Variants in ABCB1 observed in about 807,000 individuals in gnomAD.
ABCB1 encodes ATP binding cassette subfamily B member 1.
ABCB1 carries 69 observed loss-of-function variants against 142.0 expected under a neutral mutation model. The observed-to-expected ratio is 0.49, with a 90% CI of 0.40 to 0.59. The LOEUF (loss-of-function observed/expected upper bound fraction) is 0.59, where lower values mean the gene tolerates loss of function less well. Ranked by LOEUF, ABCB1 falls within the 20% of genes least tolerant of loss-of-function variation. The pLI is 0.00. For missense variants in ABCB1, 1,326 were observed against 1,554.7 expected (o/e 0.85, Z 2.47); for synonymous variants, 532 against 539.2 (o/e 0.99, Z 0.18).
At chr7:87,513,164 G>A (rs367757233) in intron 25 of ABCB1, among the ~76,000 whole-genome samples, 2 of 152,108 alleles carry the variant, frequency 1.3e-5, no homozygotes, top group South Asian at 2.1e-4. Flanking sequence ...CTGTGATATC[G>A]GCATAATTTT....
chr7:87,542,658 C>CA (rs1816591801), intron 17 of ABCB1, among the ~76,000 whole-genome samples: 1 of 146,464 alleles, frequency 6.8e-6, no homozygotes, highest in Non-Finnish European at 1.5e-5. Context: ...TAACCATTTC[C>CA]TTTTTTTTTT....
intron 1 of ABCB1, chr7:87,710,550 T>C (rs1829986103): frequency 7.0e-7 from 1 of 1,430,010 alleles, no homozygotes; most frequent in Non-Finnish European, 9.6e-7. Context: ...TTATATTTGA[T>C]TCTTTCTTCT....
intron 21 of ABCB1, among the ~76,000 whole-genome samples, chr7:87,527,801 T>C (rs752900406): frequency 6.6e-6 from 1 of 152,202 alleles, no homozygotes; most frequent in Non-Finnish European, 1.5e-5. Flanking sequence ...AGGAAGTGGC[T>C]ACAAAATTAC....
chr7:87,589,893 T>C (rs1818927520), intron 3 of ABCB1, among the ~76,000 whole-genome samples: 1 of 142,340 alleles, frequency 7.0e-6, no homozygotes, highest in South Asian at 2.2e-4. Context: ...TTTGATTAGA[T>C]GCTGAAAGGA....
At chr7:87,521,462 T>C in intron 21 of ABCB1, 5 of 718,340 alleles carry the variant, frequency 7.0e-6, no homozygotes, top group South Asian at 6.1e-5. Flanking sequence ...CCTGCCGTCA[T>C]GTCTAAGTCA....
At chr7:87,641,015 C>T (rs1441640410) in intron 1 of ABCB1, among the ~76,000 whole-genome samples, 1 of 152,022 alleles carries the variant, frequency 6.6e-6, no homozygotes, top group African/African-American at 2.4e-5. Flanking sequence ...ATCTTTATAT[C>T]TACTTTTATG....
upstream of ABCB1, among the ~76,000 whole-genome samples, chr7:87,601,914 T>A (rs867421611): frequency 3.3e-4 from 50 of 152,370 alleles, no homozygotes; most frequent in African/African-American, 1.1e-3. Context: ...AATTTTTTTC[T>A]ATTCTTGACT....
At chr7:87,517,943 C>A (rs1002485274) in intron 23 of ABCB1, among the ~76,000 whole-genome samples, 2 of 152,196 alleles carry the variant, frequency 1.3e-5, no homozygotes, top group Non-Finnish European at 2.9e-5. Flanking sequence ...AAAAAATTTA[C>A]TTCCTTTTAC....
intron 1 of ABCB1, among the ~76,000 whole-genome samples, chr7:87,642,313 A>T (rs1480866057): frequency 1.3e-5 from 2 of 152,046 alleles, no homozygotes; most frequent in Non-Finnish European, 2.9e-5. Flanking sequence ...AACCATGAAG[A>T]CTATATGTTA....
chr7:87,512,189 AAT>A (rs1052037456), intron 25 of ABCB1, among the ~76,000 whole-genome samples: 16 of 131,970 alleles, frequency 1.2e-4, no homozygotes, highest in East Asian at 6.1e-4. Context: ...TTAAAAAAAA[AAT>A]TTTTTTTTTT....
chr7:87,670,506 T>A (rs1356492295), intron 1 of ABCB1, among the ~76,000 whole-genome samples: 1 of 152,212 alleles, frequency 6.6e-6, no homozygotes, highest in Admixed American at 6.6e-5. Context: ...TAAAAACTCT[T>A]GTTGGGGAAT....
intron 1 of ABCB1, among the ~76,000 whole-genome samples, chr7:87,631,535 C>T (rs2130192700): frequency 6.6e-6 from 1 of 152,242 alleles, no homozygotes; most frequent in East Asian, 1.9e-4. Context: ...GGACTACAGG[C>T]GCCCGCCACC....
At chr7:87,558,336 T>C (rs1175590884) in intron 8 of ABCB1, among the ~76,000 whole-genome samples, 2 of 152,216 alleles carry the variant, frequency 1.3e-5, no homozygotes, top group African/African-American at 4.8e-5. Flanking sequence ...ATATATTTTC[T>C]AATTGTTCAT....
intron 24 of ABCB1, among the ~76,000 whole-genome samples, chr7:87,516,287 G>A (rs540744253): frequency 6.6e-6 from 1 of 152,098 alleles, no homozygotes; most frequent in Non-Finnish European, 1.5e-5. Context: ...AATAGGTTTT[G>A]CTTATAAAGT....
intron 1 of ABCB1, chr7:87,709,407 C>G (rs1829874733): frequency 1.0e-6 from 1 of 985,348 alleles, no homozygotes; most frequent in Non-Finnish European, 1.2e-6. Flanking sequence ...CTCTTCCTTC[C>G]TCTGTTCCAA....
At chr7:87,522,514 T>A in intron 21 of ABCB1, 1 of 496,604 alleles carries the variant, frequency 2.0e-6, no homozygotes, top group Admixed American at 2.3e-5. Flanking sequence ...ACAAGCACAG[T>A]GGTGGCAGGG....
chr7:87,558,867 A>G (rs1296424142), intron 8 of ABCB1, among the ~76,000 whole-genome samples: 1 of 152,040 alleles, frequency 6.6e-6, no homozygotes, highest in Non-Finnish European at 1.5e-5. Flanking sequence ...GGTTAATTAT[A>G]TTAATAGATT....
Position 87,546,303 on chromosome 7 carries a change from C to T in ABCB1, c.1726-279G>A, listed in dbSNP as rs28381912. ...CTAAATTTGCAGTAATAATCAGGGG[C>T]TTGGGCCGGGCGTGGTGGCTCACGC... is the stretch of plus-strand genomic sequence containing the variant. On this transcript the variant is annotated intron_variant, in intron 14 of 27. Transcript: ENST00000622132. Among the ~76,000 whole-genome samples, 607 of 152,218 alleles carry T rather than the reference C, an allele frequency of 4.0e-3. 7 individuals carry two copies. The highest frequency in any genetic ancestry group is 0.014 in the African/African-American group (585 of 41,560).
At chr7:87,644,401 AC>A (rs1822772557) in intron 1 of ABCB1, among the ~76,000 whole-genome samples, 1 of 152,230 alleles carries the variant, frequency 6.6e-6, no homozygotes, top group African/African-American at 2.4e-5. Context: ...GTTAGAGACT[AC>A]TAACAGCAAT....
Sources: gnomAD v4.1 joint callset for allele counts (sites outside exome capture counted in the v4.1 genomes callset) on GRCh38, gnomAD v4.1.1 for gene constraint, MANE v1.5 for transcripts, NCBI Gene and HGNC (gene_info 2026-07-23, HGNC 2026-07-21) for gene names.